Variants in FAM135B observed in about 807,000 individuals in gnomAD.
FAM135B encodes the protein family with sequence similarity 135 member B.
In FAM135B, 43 loss-of-function variants were observed where a neutral mutation model predicts 127.7. The ratio of observed to expected loss-of-function variants is 0.34; its 90% CI spans 0.26 to 0.43. The LOEUF is 0.43. Among genes scored for constraint, FAM135B ranks in the 20% least tolerant of loss-of-function variants. The probability of loss-of-function intolerance (pLI) is 1.00; values close to 1 mark genes in which losing one functional copy is unlikely to be tolerated. For synonymous variants in FAM135B, 670 were observed against 665.1 expected (o/e 1.01, Z -0.11); for missense variants, 1,558 against 1,725.6 (o/e 0.90, Z 1.72).
chr8:138,290,747 G>T (rs749873796), intron 3 of FAM135B, among the ~76,000 whole-genome samples: 1 of 152,146 alleles, frequency 6.6e-6, no homozygotes, highest in Non-Finnish European at 1.5e-5. Flanking sequence ...ATTGGGGTGG[G>T]TTGGGAAAGC....
chr8:138,315,788 T>C (rs1827042432), intron 2 of FAM135B, among the ~76,000 whole-genome samples: 1 of 152,030 alleles, frequency 6.6e-6, no homozygotes, highest in East Asian at 1.9e-4. Flanking sequence ...CACTTACATG[T>C]AGAACATTTT....
intron 11 of FAM135B, among the ~76,000 whole-genome samples, chr8:138,169,245 T>A (rs1201159839): frequency 6.6e-6 from 1 of 152,048 alleles, no homozygotes; most frequent in Non-Finnish European, 1.5e-5. Flanking sequence ...AAGGGAAGGG[T>A]TATTTTCTCT....
intron 2 of FAM135B, among the ~76,000 whole-genome samples, chr8:138,333,748 T>C (rs1401983244): frequency 6.6e-6 from 1 of 152,214 alleles, no homozygotes; most frequent in Admixed American, 6.5e-5. Context: ...TAACAATTAA[T>C]ATCTGCTTAA....
rs142421565 is a variant in FAM135B at position 138,236,427 on chromosome 8, C to T, written c.669+6515G>A. On this transcript the variant is annotated intron_variant, in intron 7 of 19. Transcript: ENST00000395297. ...ACACACACACACACACACACACACA[C>T]ATCCCCACATACACACTAGAATATT... 2.3e-3 allele frequency among the ~76,000 whole-genome samples: 350 copies of T among 151,476 alleles called. 1 individual carries two copies. Among genetic ancestry groups the T allele is most frequent in the African/African-American group, 7.9e-3 (325 of 41,146 alleles).
chr8:138,485,430 G>A (rs747343004), intron 1 of FAM135B, among the ~76,000 whole-genome samples: 4 of 152,108 alleles, frequency 2.6e-5, no homozygotes, highest in Admixed American at 6.6e-5. Flanking sequence ...CATCCTCTTG[G>A]TTGATATTAA....
chr8:138,148,412 T>C, intron 14 of FAM135B, 108 bp downstream of exon 14: 1 of 877,076 alleles, frequency 1.1e-6, no homozygotes, highest in Non-Finnish European at 1.8e-6. Context: ...ATTCCACAGT[T>C]GCTAATTGAA....
At chr8:138,461,179 G>A (rs935304020) in intron 1 of FAM135B, among the ~76,000 whole-genome samples, 1 of 152,046 alleles carries the variant, frequency 6.6e-6, no homozygotes, top group Non-Finnish European at 1.5e-5. Flanking sequence ...ATACTCTTAC[G>A]TTAAGCTGAC....
intron 1 of FAM135B, among the ~76,000 whole-genome samples, chr8:138,475,979 G>A (rs1814409417): frequency 6.6e-6 from 1 of 152,136 alleles, no homozygotes; most frequent in Admixed American, 6.5e-5. Context: ...TTCAGTGGGA[G>A]AGTGGATAAA....
intron 1 of FAM135B, among the ~76,000 whole-genome samples, chr8:138,453,307 G>A (rs974715294): frequency 6.6e-6 from 1 of 151,828 alleles, no homozygotes. Context: ...TTGGAGGAGT[G>A]CTGATAGGTT....
chr8:138,472,014 G>A (rs1465744721), intron 1 of FAM135B, among the ~76,000 whole-genome samples: 1 of 152,116 alleles, frequency 6.6e-6, no homozygotes, highest in Non-Finnish European at 1.5e-5. Context: ...AGTGAAACTG[G>A]CAATTAGAAG....
At chr8:138,147,007 A>G (rs1817710763) in intron 14 of FAM135B, among the ~76,000 whole-genome samples, 1 of 152,138 alleles carries the variant, frequency 6.6e-6, no homozygotes, top group Non-Finnish European at 1.5e-5. Context: ...GAATTGGGGG[A>G]AGTCCAGGTG....
At chr8:138,274,574 C>T (rs1036827954) in intron 3 of FAM135B, among the ~76,000 whole-genome samples, 2 of 152,080 alleles carry the variant, frequency 1.3e-5, no homozygotes, top group African/African-American at 4.8e-5. Flanking sequence ...CCGGTCTCAC[C>T]AAAATTTATT....
intron 5 of FAM135B, among the ~76,000 whole-genome samples, chr8:138,251,423 C>T (rs1460409785): frequency 2.0e-5 from 3 of 152,140 alleles, no homozygotes; most frequent in Admixed American, 2.0e-4. Context: ...ACTGTGTGAC[C>T]CTGTGTTTTC....
At chr8:138,302,094 G>T (rs1185396614) in intron 3 of FAM135B, among the ~76,000 whole-genome samples, 1 of 151,966 alleles carries the variant, frequency 6.6e-6, no homozygotes, top group Non-Finnish European at 1.5e-5. Flanking sequence ...CCTTTTCAGT[G>T]TGACATTTTT....
At chr8:138,302,779 G>C (rs569431986) in intron 3 of FAM135B, among the ~76,000 whole-genome samples, 1 of 152,316 alleles carries the variant, frequency 6.6e-6, no homozygotes, top group Admixed American at 6.5e-5. Context: ...CTGGTCTTTG[G>C]GCCCCATGAA....
chr8:138,247,001 C>T (rs1219236191), intron 6 of FAM135B, among the ~76,000 whole-genome samples: 1 of 152,202 alleles, frequency 6.6e-6, no homozygotes, highest in East Asian at 1.9e-4. Context: ...GGGCCTGTAG[C>T]CCCTTTGTTT....
At chr8:138,339,326 A>T (rs2131046381) in intron 2 of FAM135B, among the ~76,000 whole-genome samples, 1 of 150,230 alleles carries the variant, frequency 6.7e-6, no homozygotes, top group East Asian at 2.0e-4. Context: ...AGATTTGATA[A>T]GTCAGTTGCA....
chr8:138,307,202 A>T (rs943646984), intron 3 of FAM135B, among the ~76,000 whole-genome samples: 1 of 152,206 alleles, frequency 6.6e-6, no homozygotes, highest in African/African-American at 2.4e-5. Context: ...TGTGATAGTG[A>T]ATAGGTCTCA....
intron 1 of FAM135B, among the ~76,000 whole-genome samples, chr8:138,374,381 A>G (rs931651127): frequency 1.3e-5 from 2 of 152,238 alleles, no homozygotes; most frequent in African/African-American, 4.8e-5. Flanking sequence ...CATTGTCAAT[A>G]GGATATTGTT....
Sources: gnomAD v4.1 joint callset for allele counts (sites outside exome capture counted in the v4.1 genomes callset) on GRCh38, gnomAD v4.1.1 for gene constraint, MANE v1.5 for transcripts, NCBI Gene and HGNC (gene_info 2026-07-23, HGNC 2026-07-21) for gene names.